GABBR2: variants seen among roughly 807,000 people sequenced by gnomAD.
GABBR2 encodes the protein G-protein coupled receptor 51.
A neutral mutation model predicts 105.6 loss-of-function variants in GABBR2; 23 were observed. The ratio of observed to expected loss-of-function variants is 0.22; its 90% confidence interval spans 0.16 to 0.31. The LOEUF (loss-of-function observed/expected upper bound fraction) is 0.31, where lower values mean the gene tolerates loss of function less well. GABBR2 is among the 10% of genes least tolerant of loss of function. The pLI is 1.00. For synonymous variants in GABBR2, 478 were observed against 499.7 expected (o/e 0.96, Z 0.58); for missense variants, 734 against 1,245.5 (o/e 0.59, Z 6.18).
At chr9:98,580,361 G>C (rs1450952539) in intron 1 of GABBR2, among the ~76,000 whole-genome samples, 1 of 151,824 alleles carries the variant, frequency 6.6e-6, no homozygotes, top group East Asian at 1.9e-4. Context: ...AAATCATCTT[G>C]TCTACTTTTT....
chr9:98,653,563 C>T lies in GABBR2; in HGVS notation c.321+54854G>A, dbSNP rs1407635385. ...AGAATAAGTTTACCTTAACTGTCTT[C>T]CTTTTTCTACCTGAGCTCTAAAACA... On this transcript the variant is annotated intron_variant, in intron 1 of 18. Transcript: ENST00000259455. 3.9e-5 allele frequency among the ~76,000 whole-genome samples: 6 copies of T among 152,316 alleles called. No individual in the cohort carries two copies. The East Asian group carries it at 1.2e-3, about 29-fold the overall frequency.
chr9:98,530,836 G>T (rs535308898), intron 3 of GABBR2, among the ~76,000 whole-genome samples: 100 of 152,194 alleles, frequency 6.6e-4, no homozygotes, highest in African/African-American at 2.3e-3. Context: ...ATAACTACCT[G>T]GCACACAGTA....
Position 98,289,654 on chromosome 9 carries a change from C to T in GABBR2, c.*930G>A, listed in dbSNP as rs1202630515. 6.6e-6 allele frequency: 1 copy of T among 152,192 alleles called. No individual in the cohort carries two copies. Among genetic ancestry groups the T allele is most frequent in the Non-Finnish European group, 1.5e-5 (1 of 67,920 alleles). 9.4% of individuals were successfully genotyped at this position (152,192 alleles called of 1,614,324 possible). On this transcript the variant is annotated 3_prime_UTR_variant, in exon 19 of 19. Transcript: ENST00000259455. Reference sequence around the variant, plus strand: ...TTAGTGGGAAAAAAAAAAAAAAAATCCCAGCCAGCCCTTGGGCCCTGATGA... The same window carrying T: ...TTAGTGGGAAAAAAAAAAAAAAAATTCCAGCCAGCCCTTGGGCCCTGATGA...
chr9:98,361,797 G>C (rs1258107249), intron 13 of GABBR2, among the ~76,000 whole-genome samples: 2 of 152,162 alleles, frequency 1.3e-5, no homozygotes, highest in East Asian at 3.9e-4. Flanking sequence ...ATTCTCTGCT[G>C]CTGCTCTGAA....
intron 6 of GABBR2, among the ~76,000 whole-genome samples, chr9:98,459,767 T>TCAAA (rs1438593552): frequency 1.3e-5 from 2 of 152,006 alleles, no homozygotes; most frequent in Non-Finnish European, 2.9e-5. Context: ...CATTGAAGGG[T>TCAAA]CAAACACTAG....
chr9:98,291,168 A>T (rs1164625695), intron 18 of GABBR2, among the ~76,000 whole-genome samples: 1 of 152,208 alleles, frequency 6.6e-6, no homozygotes, highest in Non-Finnish European at 1.5e-5. Context: ...AGCCTCGCCT[A>T]CCTTAAATGT....
intron 3 of GABBR2, among the ~76,000 whole-genome samples, chr9:98,498,929 T>A (rs1160876865): frequency 6.6e-6 from 1 of 152,198 alleles, no homozygotes; most frequent in East Asian, 1.9e-4. Context: ...TGGGAGGAGC[T>A]CAATGCGTGA....
rs116969213 is a variant in GABBR2 at position 98,520,415 on chromosome 9, C to T, written c.630+21458G>A. On this transcript the variant is annotated intron_variant, in intron 3 of 18. Transcript: ENST00000259455. ...ATGGGAGAAATCTTTTCACCACCCC[C>T]GGAAGGAGCAGATGTGTGGAGCTTG... Among the ~76,000 whole-genome samples the T allele has an allele frequency of 7.8e-3, 1,181 of 152,302 alleles. 7 individuals carry two copies. Among genetic ancestry groups the T allele is most frequent in the Middle Eastern group, 0.02 (6 of 294 alleles).
At chr9:98,381,619 C>T (rs545808116) in intron 11 of GABBR2, among the ~76,000 whole-genome samples, 12 of 152,270 alleles carry the variant, frequency 7.9e-5, no homozygotes, top group African/African-American at 2.2e-4. Flanking sequence ...CGATTCAGTC[C>T]GGGGTAGATA....
chr9:98,643,890 C>G (rs906751006), intron 1 of GABBR2, among the ~76,000 whole-genome samples: 2 of 152,302 alleles, frequency 1.3e-5, no homozygotes, highest in East Asian at 1.9e-4. Flanking sequence ...AGCCAACACC[C>G]AGGAAGGGAA....
intron 1 of GABBR2, among the ~76,000 whole-genome samples, chr9:98,627,457 C>G (rs934846239): frequency 7.9e-5 from 12 of 152,216 alleles, no homozygotes; most frequent in African/African-American, 2.9e-4. Context: ...GTTCATTCTT[C>G]CGGCTAATGC....
intron 1 of GABBR2, among the ~76,000 whole-genome samples, chr9:98,659,177 C>T (rs928936311): frequency 6.6e-6 from 1 of 152,172 alleles, no homozygotes; most frequent in Non-Finnish European, 1.5e-5. Flanking sequence ...ATTTCTTATT[C>T]ACTTTTGGCA....
chr9:98,551,439 T>G (rs956181277), intron 2 of GABBR2, among the ~76,000 whole-genome samples: 5 of 151,954 alleles, frequency 3.3e-5, no homozygotes, highest in Non-Finnish European at 7.4e-5. Context: ...AACAAAAACT[T>G]TCAGACAGAT....
intron 1 of GABBR2, among the ~76,000 whole-genome samples, chr9:98,620,170 C>T (rs75850100): frequency 0.019 from 2,885 of 152,180 alleles, 69 homozygotes; most frequent in East Asian, 0.056. Flanking sequence ...TTCAAATCTA[C>T]AGTAAAGCTG....
At chr9:98,695,703 C>G (rs1422420720) in intron 1 of GABBR2, among the ~76,000 whole-genome samples, 1 of 152,118 alleles carries the variant, frequency 6.6e-6, no homozygotes, top group Non-Finnish European at 1.5e-5. Flanking sequence ...TGTTCCAGGT[C>G]AACCCTCAAA....
rs528751052 is a variant in GABBR2 at position 98,495,102 on chromosome 9, CCAGCCACCTGGGCTGTCAAG to C, written c.732+1291_732+1310del. ...GACACTGCAGGGGGGAGACCTGGCT[CCAGCCACCTGGGCTGTCAAG>C]CAGGCCCTTCCCTGACTACTGTGTC... On this transcript the variant is annotated intron_variant, in intron 4 of 18. Coordinates refer to ENST00000259455, the MANE Select transcript of GABBR2 (RefSeq NM_005458.8). Among the ~76,000 whole-genome samples, 31 of 152,354 alleles carry C rather than the reference CCAGCCACCTGGGCTGTCAAG, an allele frequency of 2.0e-4. No homozygotes were observed. In the South Asian group the frequency reaches 6.4e-3, roughly 32 times the overall value.
chr9:98,648,000 G>A (rs971518358), intron 1 of GABBR2, among the ~76,000 whole-genome samples: 12 of 149,216 alleles, frequency 8.0e-5, no homozygotes, highest in Admixed American at 7.4e-4. Flanking sequence ...CAAAAGGAAA[G>A]AAACCTGCCA....
chr9:98,594,425 G>A (rs535594010), intron 1 of GABBR2, among the ~76,000 whole-genome samples: 4 of 152,180 alleles, frequency 2.6e-5, no homozygotes, highest in African/African-American at 9.7e-5. Flanking sequence ...GGGCAAAGGG[G>A]TTTCAGCTTG....
chr9:98,440,089 C>T (rs1199673392), intron 7 of GABBR2, among the ~76,000 whole-genome samples: 1 of 152,190 alleles, frequency 6.6e-6, no homozygotes, highest in Non-Finnish European at 1.5e-5. Flanking sequence ...ACACCTGCTC[C>T]TAGGGCCAGT....
Sources: allele counts gnomAD v4.1 joint callset (sites outside exome capture counted in the v4.1 genomes callset), GRCh38; gene constraint gnomAD v4.1.1; transcripts MANE v1.5; gene names NCBI Gene and HGNC (gene_info 2026-07-23, HGNC 2026-07-21).